CCDC180: variants seen among roughly 807,000 people sequenced by gnomAD.
CCDC180 encodes coiled-coil domain containing 180.
CCDC180 carries 154 observed loss-of-function variants against 209.2 expected under a neutral mutation model. The observed-to-expected ratio is 0.74, with a 90% confidence interval of 0.65 to 0.84. The LOEUF is 0.84. Among genes scored for constraint, CCDC180 ranks in the 40% least tolerant of loss-of-function variants. CCDC180 has a pLI of 0.00. For synonymous variants in CCDC180, 778 were observed against 749.1 expected (o/e 1.04, Z -0.63); for missense variants, 1,874 against 1,997.3 (o/e 0.94, Z 1.18).
chr9:97,375,986 C>A, intron 36 of CCDC180: 1 of 208,920 alleles, frequency 4.8e-6, no homozygotes, highest in East Asian at 1.2e-4. Flanking sequence ...GAAGTACTTA[C>A]TGAGAGCTTC....
chr9:97,309,402 C>T lies in CCDC180; in HGVS notation c.70-12C>T. The T allele has an allele frequency of 6.3e-7, 1 of 1,599,014 alleles. No individual in the cohort carries two copies. The highest frequency in any genetic ancestry group is 8.5e-7 in the Non-Finnish European group (1 of 1,173,642). On this transcript the variant is annotated splice_polypyrimidine_tract_variant and intron_variant, in intron 2 of 36. Transcript: ENST00000529487. ...TGACCACTCCCCCATCCTTGGTCCT[C>T]CCTGGATTCAGGTGCAGCTGGTCCA... is the stretch of plus-strand genomic sequence containing the variant.
At position 97,314,951 on chromosome 9, in the gene CCDC180, G is replaced by C. The variant is rs1197839282; in HGVS notation, c.795+5G>C. The C allele has an allele frequency of 6.2e-7, 1 of 1,612,578 alleles. No individual in the cohort carries two copies. The highest frequency in any genetic ancestry group is 8.5e-7 in the Non-Finnish European group (1 of 1,178,782). ...CTGATAAATGAAGAAGCCATGGTGAGTGGTTTTCCTGTGCAGGGATCAGCC... is the reference window on the plus strand; with the variant it reads ...CTGATAAATGAAGAAGCCATGGTGACTGGTTTTCCTGTGCAGGGATCAGCC... On this transcript the variant is annotated splice_donor_5th_base_variant and intron_variant, in intron 8 of 36. Coordinates refer to ENST00000529487, the MANE Select transcript of CCDC180 (RefSeq NM_020893.6).
chr9:97,347,792 C>A, intron 20 of CCDC180: 1 of 261,604 alleles, frequency 3.8e-6, no homozygotes, highest in Non-Finnish European at 7.3e-6. Context: ...TGCTCATACA[C>A]CTGTCAGATA....
Position 97,360,075 on chromosome 9 carries a change from G to T in CCDC180, c.3457G>T (p.Val1153Leu). The T allele has an allele frequency of 6.2e-7, 1 of 1,614,020 alleles. No individual in the cohort carries two copies. Among genetic ancestry groups the T allele is most frequent in the Non-Finnish European group, 8.5e-7 (1 of 1,179,930 alleles). ...GTACCTTAACTGCAGCCTGGACAGGGTGTCCATGACTGAACTGGTCTTTAC... is the reference window on the plus strand; with the variant it reads ...GTACCTTAACTGCAGCCTGGACAGGTTGTCCATGACTGAACTGGTCTTTAC... ...IQYLNCSLDR[V>L]SMTELVFTNT... is the part of the protein sequence containing the mutation. The change falls in exon 26 of 37, where the codon GTG becomes TTG. Residue 1153 changes from valine (V) to leucine (L), a missense_variant. By Grantham distance (32) the Val-to-Leu change is conservative. Transcript: ENST00000529487.
intron 25 of CCDC180, among the ~76,000 whole-genome samples, chr9:97,359,760 T>A (rs1460338774): frequency 6.6e-6 from 1 of 152,064 alleles, no homozygotes; most frequent in Non-Finnish European, 1.5e-5. Flanking sequence ...GATGTTCCCA[T>A]CAGTGAAGGG....
intron 19 of CCDC180, among the ~76,000 whole-genome samples, chr9:97,344,882 C>G (rs1361156298): frequency 6.6e-6 from 1 of 152,158 alleles, no homozygotes; most frequent in Non-Finnish European, 1.5e-5. Flanking sequence ...GTGTACCCAT[C>G]CCAAGTCACC....
chr9:97,355,093 T>C (rs1826540101), intron 24 of CCDC180, 85 bp downstream of exon 24: 1 of 863,398 alleles, frequency 1.2e-6, no homozygotes, highest in Non-Finnish European at 1.9e-6. Context: ...GAGGCCATTG[T>C]GGTCTCTGTC....
intron 2 of CCDC180, 21 bp downstream of exon 2, chr9:97,308,153 C>T (rs2401382): frequency 0.24 from 371,977 of 1,549,764 alleles, 48,065 homozygotes; most frequent in Middle Eastern, 0.33. Context: ...CCCTCTGTCC[C>T]GCTTTTCTCC....
At position 97,320,156 on chromosome 9, in the gene CCDC180, T is replaced by C. The variant is rs1309550485; in HGVS notation, c.1110T>C (p.Thr370=). The change falls in exon 11 of 37, where the codon ACT becomes ACC. Residue 370 remains threonine (T), a synonymous_variant. Transcript: ENST00000529487. The stretch of plus-strand genomic sequence containing the variant: ...TCCTGCCCCCCAGTTACAGCAAAAC[T>C]CAGCTGACTGAGTGGCATTCTTCCC... ...CDLLPPSYSK[T]QLTEWHSSLN... 6.2e-7 allele frequency: 1 copy of C among 1,614,084 alleles called. No individual in the cohort carries two copies. Among genetic ancestry groups the C allele is most frequent in the African/African-American group, 1.3e-5 (1 of 74,926 alleles).
chr9:97,346,303 T>C (rs1006681795), intron 19 of CCDC180, among the ~76,000 whole-genome samples: 7 of 152,372 alleles, frequency 4.6e-5, no homozygotes, highest in East Asian at 3.8e-4. Context: ...TTCTACATAA[T>C]TTTTAAAATT....
At position 97,326,498 on chromosome 9, in the gene CCDC180, C is replaced by T. The variant is rs77356150; in HGVS notation, c.1546-56C>T. On this transcript the variant is annotated intron_variant, in intron 14 of 36. Coordinates refer to ENST00000529487, the MANE Select transcript of CCDC180 (RefSeq NM_020893.6). The stretch of plus-strand genomic sequence containing the variant: ...GCAGGGTCCCTGCAGGTCACTTACA[C>T]TCTGTGAGCACTGGAGGTCACATCT... 1,582 of 1,053,712 alleles carry T rather than the reference C, an allele frequency of 1.5e-3. 17 individuals are homozygous for T. The African/African-American group carries it at 0.018, about 12-fold the overall frequency. The allele number at this position is 1,053,712 out of a possible 1,614,324, so 65.3% of individuals were successfully genotyped here. A position where few individuals can be genotyped will look rare whatever the true frequency, so the allele number is the denominator to read the frequency against.
chr9:97,307,433 G>T (rs1178155568), upstream of CCDC180: 1 of 582,474 alleles, frequency 1.7e-6, no homozygotes, highest in Non-Finnish European at 3.2e-6. Flanking sequence ...AATCTACCGG[G>T]CTCAGGGGGA....
intron 18 of CCDC180, among the ~76,000 whole-genome samples, chr9:97,334,128 T>G (rs916297209): frequency 9.8e-5 from 15 of 152,340 alleles, no homozygotes; most frequent in Admixed American, 9.1e-4. Context: ...AAATTTTCAC[T>G]GTGAGGCAAA....
intron 25 of CCDC180, 83 bp from the exon 26 acceptor site, chr9:97,359,899 C>A: frequency 1.3e-6 from 2 of 1,556,264 alleles, no homozygotes; most frequent in Non-Finnish European, 1.8e-6. Context: ...CAGCCCAGCC[C>A]CTGTTCCCGC....
At chr9:97,348,759 G>A (rs1306388222) in intron 20 of CCDC180, among the ~76,000 whole-genome samples, 1 of 152,156 alleles carries the variant, frequency 6.6e-6, no homozygotes, top group Non-Finnish European at 1.5e-5. Flanking sequence ...GCTCAGTGCT[G>A]TACTTGCTGT....
In CCDC180 at chr9:97,343,657, A is replaced by C. The variant is rs1480081890; in HGVS notation, c.2498+94A>C. The stretch of plus-strand genomic sequence containing the variant: ...AAAAAAAAAGGATTGGGCTGGTATC[A>C]GTTGGATAAAGAAAAAAATGTAGGT... On this transcript the variant is annotated intron_variant, in intron 19 of 36. Coordinates refer to ENST00000529487, the MANE Select transcript of CCDC180 (RefSeq NM_020893.6). The C allele has an allele frequency of 3.3e-5, 32 of 957,802 alleles. 1 individual carries two copies. Among genetic ancestry groups the C allele is most frequent in the Non-Finnish European group, 4.6e-5 (30 of 658,554 alleles). The allele number at this position is 957,802 out of a possible 1,614,324, so 59.3% of individuals were successfully genotyped here. A position where few individuals can be genotyped will look rare whatever the true frequency, so the allele number is the denominator to read the frequency against.
In CCDC180 at chr9:97,370,067, G is replaced by T. The variant is rs750828575; in HGVS notation, c.4335G>T (p.Arg1445=). 2.5e-6 allele frequency: 4 copies of T among 1,613,956 alleles called. No individual in the cohort carries two copies. The East Asian group carries it at 8.9e-5, about 36-fold the overall frequency. The change falls in exon 32 of 37, where the codon CGG becomes CGT. Residue 1445 remains arginine (R), a synonymous_variant. Transcript: ENST00000529487. Reference sequence around the variant, plus strand: ...GACAGTTCGAGGAACAGCAGAAGCGGCTGGAGAAAAGAAAGGTGAGGGCCC... The same window carrying T: ...GACAGTTCGAGGAACAGCAGAAGCGTCTGGAGAAAAGAAAGGTGAGGGCCC... The part of the protein sequence containing the change: ...IRGQFEEQQK[R]LEKRKDKNAQ...
chr9:97,377,011 T>A lies in CCDC180; in HGVS notation c.*117T>A. 5.1e-6 allele frequency: 6 copies of A among 1,187,730 alleles called. No individual in the cohort carries two copies. Among genetic ancestry groups the A allele is most frequent in the Non-Finnish European group, 6.9e-6 (6 of 864,102 alleles). The allele number at this position is 1,187,730 out of a possible 1,614,324, so 73.6% of individuals were successfully genotyped here. On this transcript the variant is annotated 3_prime_UTR_variant, in exon 37 of 37. Transcript: ENST00000529487. ...CCTTCATCCCTCCACCCCTGCTCTGTGCCGGGCACTGTAGCTTTACCAGCG... is the reference window on the plus strand; with the variant it reads ...CCTTCATCCCTCCACCCCTGCTCTGAGCCGGGCACTGTAGCTTTACCAGCG...
intron 33 of CCDC180, 139 bp from the exon 34 acceptor site, chr9:97,371,456 G>T: frequency 2.0e-6 from 1 of 501,992 alleles, no homozygotes. Context: ...CTGAGGGCCA[G>T]ATGCTGGTTA....
Sources: allele counts gnomAD v4.1 joint callset (sites outside exome capture counted in the v4.1 genomes callset), GRCh38; gene constraint gnomAD v4.1.1; transcripts MANE v1.5; gene names NCBI Gene and HGNC (gene_info 2026-07-23, HGNC 2026-07-21).